DISC1: variants seen among roughly 807,000 people sequenced by gnomAD.
DISC1 encodes the protein disrupted in schizophrenia 1 protein.
A neutral mutation model predicts 84.5 loss-of-function variants in DISC1; 57 were observed. That is an observed-to-expected ratio of 0.67 (90% CI 0.55 to 0.84). The LOEUF (loss-of-function observed/expected upper bound fraction) is 0.84. DISC1 is among the 40% of genes least tolerant of loss of function. DISC1 has a pLI of 0.00. For synonymous variants in DISC1, 411 were observed against 415.2 expected, an observed-to-expected ratio of 0.99 and a Z score of 0.12; for missense variants, 1,000 against 1,057.8, an observed-to-expected ratio of 0.95 and a Z score of 0.76.
chr1:231,692,469 C>T (rs2065161121), intron 1 of DISC1, among the ~76,000 whole-genome samples: 1 of 152,262 alleles, frequency 6.6e-6, no homozygotes, highest in South Asian at 2.1e-4. Flanking sequence ...ATGCCACCCC[C>T]ACCCCTTTTA....
intron 9 of DISC1, among the ~76,000 whole-genome samples, chr1:231,952,350 G>A (rs1378990149): frequency 6.6e-6 from 1 of 151,962 alleles, no homozygotes; most frequent in African/African-American, 2.4e-5. Flanking sequence ...TTGCTAGTTT[G>A]GTAATGATGC....
chr1:231,749,117 C>T (rs1038469117), intron 3 of DISC1, among the ~76,000 whole-genome samples: 2 of 152,170 alleles, frequency 1.3e-5, no homozygotes, highest in Non-Finnish European at 2.9e-5. Flanking sequence ...TGCTGCCTTT[C>T]GGGACTGCCA....
intron 9 of DISC1, among the ~76,000 whole-genome samples, chr1:231,823,677 G>T (rs2081655656): frequency 6.6e-6 from 1 of 152,132 alleles, no homozygotes; most frequent in Admixed American, 6.5e-5. Flanking sequence ...AGGAATACAT[G>T]TGCAGGTTCT....
At chr1:231,796,043 C>T (rs969785755) in intron 7 of DISC1, among the ~76,000 whole-genome samples, 2 of 152,118 alleles carry the variant, frequency 1.3e-5, no homozygotes, top group Admixed American at 1.3e-4. Context: ...AATCATTTTG[C>T]CTACTTTATC....
At chr1:231,720,729 G>C in intron 3 of DISC1, 1 of 737,564 alleles carries the variant, frequency 1.4e-6, no homozygotes, top group South Asian at 1.6e-5. Context: ...TTTCCCTTGG[G>C]GCTTTCTGCA....
intron 9 of DISC1, chr1:231,854,718 CTTTT>C (rs11331915): frequency 6.9e-4 from 86 of 123,902 alleles, no homozygotes; most frequent in South Asian, 2.6e-3. Context: ...TAAAATAATT[CTTTT>C]TTTTTTTTTT....
At chr1:231,668,614 C>T (rs1473153396) in intron 1 of DISC1, among the ~76,000 whole-genome samples, 1 of 152,142 alleles carries the variant, frequency 6.6e-6, no homozygotes, top group Non-Finnish European at 1.5e-5. Flanking sequence ...CTCTCATTTC[C>T]CTTTGTTATA....
chr1:231,639,169 T>A (rs1162834691), intron 1 of DISC1, among the ~76,000 whole-genome samples: 1 of 152,186 alleles, frequency 6.6e-6, no homozygotes, highest in Non-Finnish European at 1.5e-5. Context: ...TGTCTTCATG[T>A]TGCTTGGGCT....
chr1:231,912,686 G>C (rs1216272840), intron 9 of DISC1, among the ~76,000 whole-genome samples: 1 of 152,170 alleles, frequency 6.6e-6, no homozygotes, highest in Non-Finnish European at 1.5e-5. Context: ...CATGCTGGGA[G>C]AACCACCACT....
At chr1:231,942,723 C>T (rs1213603540) in intron 9 of DISC1, among the ~76,000 whole-genome samples, 2 of 152,082 alleles carry the variant, frequency 1.3e-5, no homozygotes, top group East Asian at 1.9e-4. Flanking sequence ...TGGCCAGAGG[C>T]GCCACATTTT....
At chr1:231,731,097 C>T (rs2071458111) in intron 3 of DISC1, among the ~76,000 whole-genome samples, 1 of 152,076 alleles carries the variant, frequency 6.6e-6, no homozygotes, top group Admixed American at 6.5e-5. Flanking sequence ...TCCTGAATTT[C>T]ACTTTAATAT....
At chr1:231,652,045 T>G (rs568359758) in intron 1 of DISC1, among the ~76,000 whole-genome samples, 1 of 152,364 alleles carries the variant, frequency 6.6e-6, no homozygotes, top group African/African-American at 2.4e-5. Flanking sequence ...TTGTGCTTCC[T>G]GGGTGAGATA....
chr1:231,858,763 T>C (rs193254466), intron 9 of DISC1, among the ~76,000 whole-genome samples: 1 of 152,294 alleles, frequency 6.6e-6, no homozygotes, highest in Admixed American at 6.5e-5. Context: ...TTCCATACCT[T>C]CCTGCTTCTG....
intron 9 of DISC1, among the ~76,000 whole-genome samples, chr1:231,823,631 G>A (rs756120528): frequency 6.6e-6 from 1 of 152,122 alleles, no homozygotes; most frequent in Non-Finnish European, 1.5e-5. Context: ...TCTTTTACTT[G>A]TATTATTATT....
intron 4 of DISC1, among the ~76,000 whole-genome samples, chr1:231,755,185 T>C (rs373468792): frequency 2.9e-4 from 44 of 152,154 alleles, no homozygotes; most frequent in African/African-American, 1.0e-3. Flanking sequence ...TAATGTCTTA[T>C]GAGCTCCTTC....
chr1:231,915,912 G>C (rs1159877645), intron 9 of DISC1, among the ~76,000 whole-genome samples: 1 of 152,226 alleles, frequency 6.6e-6, no homozygotes, highest in Non-Finnish European at 1.5e-5. Context: ...AGATCATGGG[G>C]ATAACAAGGT....
rs12036415 is a variant in DISC1 at position 231,824,909 on chromosome 1, T to C, written c.1981+6392T>C. ...ATCCATCCATCCATCCATCCATCCA[T>C]CCACCCATCCATCCATCCTTTCCAC... On this transcript the variant is annotated intron_variant, in intron 9 of 12. Coordinates refer to ENST00000439617, the MANE Select transcript of DISC1 (RefSeq NM_018662.3). Among the ~76,000 whole-genome samples the C allele has an allele frequency of 2.2e-4, 31 of 138,162 alleles. No individual in the cohort carries two copies. The East Asian group carries it at 4.7e-3, about 21-fold the overall frequency. The allele number at this position is 138,162 out of a possible 152,430, so 90.6% of individuals were successfully genotyped here. A position where few individuals can be genotyped will look rare whatever the true frequency, so the allele number is the denominator to read the frequency against.
chr1:231,952,852 T>G (rs1307652370), intron 9 of DISC1, among the ~76,000 whole-genome samples: 1 of 152,058 alleles, frequency 6.6e-6, no homozygotes, highest in Admixed American at 6.6e-5. Context: ...TCAGTACTCT[T>G]TGTAACTCTG....
rs141172068 is a variant in DISC1, at chr1:231,754,728, G to T, written c.1268+4652G>T. On this transcript the variant is annotated intron_variant, in intron 4 of 12. Transcript: ENST00000439617. Reference sequence around the variant, plus strand: ...TGTCATGCATTCTTAATTATATTAGGTTACACCATAAGGACATCTCTTACA... The same window carrying T: ...TGTCATGCATTCTTAATTATATTAGTTTACACCATAAGGACATCTCTTACA... Among the ~76,000 whole-genome samples the T allele has an allele frequency of 5.3e-5, 8 of 152,298 alleles. No individual in the cohort carries two copies. In the East Asian group the frequency reaches 1.5e-3, roughly 29 times the overall value.
Sources: gnomAD v4.1 joint callset for allele counts (sites outside exome capture counted in the v4.1 genomes callset) on GRCh38, gnomAD v4.1.1 for gene constraint, MANE v1.5 for transcripts, NCBI Gene and HGNC (gene_info 2026-07-23, HGNC 2026-07-21) for gene names.